PTPRJ: variants seen among roughly 807,000 people sequenced by gnomAD.
PTPRJ encodes the protein protein tyrosine phosphatase receptor type J.
In PTPRJ, 129 loss-of-function variants were observed where a neutral mutation model predicts 141.3. That is an observed-to-expected ratio of 0.91 (90% confidence interval 0.79 to 1.06). The LOEUF is 1.06. PTPRJ is among the 50% of genes least tolerant of loss of function. PTPRJ has a pLI of 0.00. For synonymous variants in PTPRJ, 610 were observed against 640.5 expected, an observed-to-expected ratio of 0.95 and a Z score of 0.72; for missense variants, 1,601 against 1,679.7, an observed-to-expected ratio of 0.95 and a Z score of 0.82.
chr11:47,986,520 A>G (rs1390968322), intron 1 of PTPRJ, among the ~76,000 whole-genome samples: 1 of 151,916 alleles, frequency 6.6e-6, no homozygotes, highest in African/African-American at 2.4e-5. Flanking sequence ...TCATATGACA[A>G]TTTTTTCTTT....
intron 10 of PTPRJ, 122 bp from the exon 11 acceptor site, chr11:48,139,364 C>T (rs1039052327): frequency 9.4e-7 from 1 of 1,064,168 alleles, no homozygotes; most frequent in Non-Finnish European, 1.4e-6. Flanking sequence ...AGGGTCAGCC[C>T]CTGCCTCTTC....
At chr11:48,156,435 C>T (rs893459450) in intron 21 of PTPRJ, among the ~76,000 whole-genome samples, 2 of 152,108 alleles carry the variant, frequency 1.3e-5, no homozygotes, top group Non-Finnish European at 2.9e-5. Flanking sequence ...TGGCTCTGTT[C>T]TTCATTGGCC....
At chr11:48,091,071 T>C (rs1855856661) in intron 1 of PTPRJ, among the ~76,000 whole-genome samples, 1 of 152,166 alleles carries the variant, frequency 6.6e-6, no homozygotes, top group Non-Finnish European at 1.5e-5. Context: ...CAATCTGCAA[T>C]CCAGCAAACC....
intron 1 of PTPRJ, among the ~76,000 whole-genome samples, chr11:48,020,801 T>A (rs1001316273): frequency 6.6e-6 from 1 of 152,066 alleles, no homozygotes. Flanking sequence ...GATGGGCAAA[T>A]GCACTAAGAA....
intron 11 of PTPRJ, among the ~76,000 whole-genome samples, chr11:48,140,096 G>A (rs138689324): frequency 1.4e-3 from 210 of 152,210 alleles, no homozygotes; most frequent in Non-Finnish European, 2.5e-3. Flanking sequence ...ATGCAGTGAC[G>A]CAATCTCAGC....
chr11:48,154,974 G>A (rs899599357), intron 19 of PTPRJ, among the ~76,000 whole-genome samples: 1 of 152,128 alleles, frequency 6.6e-6, no homozygotes, highest in Non-Finnish European at 1.5e-5. Flanking sequence ...ACTTAGCATT[G>A]TTATGTTATT....
intron 1 of PTPRJ, among the ~76,000 whole-genome samples, chr11:48,008,418 C>G (rs1590399771): frequency 6.6e-6 from 1 of 151,956 alleles, no homozygotes; most frequent in Non-Finnish European, 1.5e-5. Flanking sequence ...TGCCACCACG[C>G]CCAGCTAATT....
At chr11:48,138,761 C>T (rs1857162669) in intron 10 of PTPRJ, among the ~76,000 whole-genome samples, 1 of 152,116 alleles carries the variant, frequency 6.6e-6, no homozygotes, top group African/African-American at 2.4e-5. Context: ...CATCATCAGC[C>T]AATTACTTAA....
intron 1 of PTPRJ, among the ~76,000 whole-genome samples, chr11:48,015,368 C>T (rs1344934125): frequency 1.3e-5 from 2 of 151,892 alleles, no homozygotes; most frequent in Non-Finnish European, 1.5e-5. Flanking sequence ...TGTGGCCCAT[C>T]TTGACACTTC....
At chr11:48,046,524 T>G (rs1400250618) in intron 1 of PTPRJ, among the ~76,000 whole-genome samples, 1 of 152,044 alleles carries the variant, frequency 6.6e-6, no homozygotes, top group Non-Finnish European at 1.5e-5. Context: ...GAACTTGGCT[T>G]TGGTGGATGA....
chr11:48,124,798 C>CT (rs1260007737), intron 5 of PTPRJ, among the ~76,000 whole-genome samples, 170 bp from the exon 6 acceptor site: 5 of 152,120 alleles, frequency 3.3e-5, no homozygotes, highest in Admixed American at 3.3e-4. Context: ...GCTATCAGGC[C>CT]TTTTTATGGG....
chr11:48,053,675 C>CA (rs1261247846), intron 1 of PTPRJ, among the ~76,000 whole-genome samples: 1 of 147,990 alleles, frequency 6.8e-6, no homozygotes, highest in Non-Finnish European at 1.5e-5. Context: ...CTCCCAGGTT[C>CA]AAGCGCTTCT....
chr11:48,015,984 A>T (rs1177572481), intron 1 of PTPRJ: 1 of 152,056 alleles, frequency 6.6e-6, no homozygotes, highest in Admixed American at 6.6e-5. Flanking sequence ...CAACATACTC[A>T]GTGCCTTTCT....
Position 48,146,909 on chromosome 11 carries a change from T to A in PTPRJ, c.2945T>A (p.Phe982Tyr). Residue 982 changes from phenylalanine to tyrosine, a missense_variant, in exon 15 of 25, where the codon TTT (phenylalanine) becomes TAT (tyrosine). Phe to Tyr is a conservative substitution (Grantham distance 22). Transcript: ENST00000418331. Reference protein sequence around the residue: ...VICGAVFGCIFGALVIVTVGG... With the variant: ...VICGAVFGCIYGALVIVTVGG... ...TGTGGAGCGGTTTTTGGCTGTATCTTTGGTGCCCTGGTTATTGTGACTGTG... is the reference window on the plus strand; with the variant it reads ...TGTGGAGCGGTTTTTGGCTGTATCTATGGTGCCCTGGTTATTGTGACTGTG... 2.5e-6 allele frequency: 4 copies of A among 1,614,180 alleles called. No homozygotes were observed. Among genetic ancestry groups the A allele is most frequent in the Non-Finnish European group, 3.4e-6 (4 of 1,180,022 alleles).
chr11:48,150,866 C>T (rs1857464654), intron 18 of PTPRJ, among the ~76,000 whole-genome samples: 1 of 152,240 alleles, frequency 6.6e-6, no homozygotes, highest in Non-Finnish European at 1.5e-5. Context: ...TCCTGCTCAG[C>T]ACTCAGCACA....
intron 1 of PTPRJ, among the ~76,000 whole-genome samples, chr11:48,070,462 C>T (rs1386723470): frequency 1.4e-5 from 2 of 147,318 alleles, no homozygotes; most frequent in Non-Finnish European, 3.0e-5. Flanking sequence ...GATTGCACCA[C>T]TGCATTCCAG....
chr11:48,159,940 A>G lies in PTPRJ; in HGVS notation c.3449A>G (p.Glu1150Gly), dbSNP rs1857724969. ...GCAATTTTGTTCTAGACCAAATGTG[A>G]GGAGTATTGGCCCTCCAAGCAGGCT... is the stretch of plus-strand genomic sequence containing the variant. ...KCVEQGRTKC[E>G]EYWPSKQAQD... Residue 1150 changes from glutamate to glycine, a missense_variant, in exon 22 of 25, where the codon GAG (glutamate) becomes GGG (glycine). Glu to Gly is a moderately conservative substitution (Grantham distance 98). Coordinates refer to ENST00000418331, the MANE Select transcript of PTPRJ (RefSeq NM_002843.4). 1.2e-6 allele frequency: 2 copies of G among 1,613,856 alleles called. No homozygotes were observed. Among genetic ancestry groups the G allele is most frequent in the African/African-American group, 1.3e-5 (1 of 74,924 alleles).
Position 47,980,796 on chromosome 11 carries a change from G to T in PTPRJ, c.-117G>T. ...GGGCGGAGCGGGGACGAGGCGGACC[G>T]GCTGGCGGAGGAGGAGGCGAAGGAG... On this transcript the variant is annotated 5_prime_UTR_variant, in exon 1 of 25. Coordinates refer to ENST00000418331, the MANE Select transcript of PTPRJ (RefSeq NM_002843.4). The T allele has an allele frequency of 9.6e-7, 1 of 1,037,188 alleles. No individual in the cohort carries two copies. Among genetic ancestry groups the T allele is most frequent in the South Asian group, 4.5e-5 (1 of 22,054 alleles). The allele number at this position is 1,037,188 out of a possible 1,614,324, so 64.2% of individuals were successfully genotyped here.
At chr11:48,007,815 G>A (rs1168260273) in intron 1 of PTPRJ, among the ~76,000 whole-genome samples, 1 of 152,200 alleles carries the variant, frequency 6.6e-6, no homozygotes, top group Non-Finnish European at 1.5e-5. Flanking sequence ...ATAAAACTGG[G>A]CAGGCCCAGA....
Sources: allele counts gnomAD v4.1 joint callset (sites outside exome capture counted in the v4.1 genomes callset), GRCh38; gene constraint gnomAD v4.1.1; transcripts MANE v1.5; gene names NCBI Gene and HGNC (gene_info 2026-07-23, HGNC 2026-07-21).